Variants in ERBB4 observed in about 807,000 individuals in gnomAD.
The protein encoded by ERBB4 is erb-b2 receptor tyrosine kinase 4.
Under a neutral mutation model 158.0 loss-of-function variants are expected in ERBB4, and 42 were observed. That is an observed-to-expected ratio of 0.27 (90% CI 0.21 to 0.34). The LOEUF (loss-of-function observed/expected upper bound fraction) is 0.34. Among genes scored for constraint, ERBB4 ranks in the 10% least tolerant of loss-of-function variants. The pLI is 1.00. For missense variants in ERBB4, 1,333 were observed against 1,624.1 expected, an observed-to-expected ratio of 0.82 and a Z score of 3.08; for synonymous variants, 583 against 558.7, an observed-to-expected ratio of 1.04 and a Z score of -0.61.
At position 212,538,576 on chromosome 2, in the gene ERBB4, G is replaced by A. The variant is rs372943467; in HGVS notation, c.-46C>T. Reference sequence around the variant, plus strand: ...CGTGCTGACAATTACATGTCCAAATGGCATATCCCCCTTTCGGGCACGCGG... The same window carrying A: ...CGTGCTGACAATTACATGTCCAAATAGCATATCCCCCTTTCGGGCACGCGG... On this transcript the variant is annotated 5_prime_UTR_variant, in exon 1 of 28. Coordinates refer to ENST00000342788, the MANE Select transcript of ERBB4 (RefSeq NM_005235.3). The A allele has an allele frequency of 4.3e-5, 67 of 1,558,778 alleles. 1 individual carries two copies. The African/African-American group carries it at 6.8e-4, about 16-fold the overall frequency.
chr2:212,190,863 T>C (rs960852635), intron 1 of ERBB4, among the ~76,000 whole-genome samples: 2 of 152,144 alleles, frequency 1.3e-5, no homozygotes, highest in Admixed American at 1.3e-4. Flanking sequence ...CTAGTTCCCA[T>C]TCATTCTGAA....
At chr2:211,940,162 T>A (rs72933771) in intron 3 of ERBB4, among the ~76,000 whole-genome samples, 2,611 of 152,188 alleles carry the variant, frequency 0.017, 39 homozygotes, top group Non-Finnish European at 0.024. Flanking sequence ...AATTTTTCAA[T>A]ACTTTGCAGT....
intron 19 of ERBB4, among the ~76,000 whole-genome samples, chr2:211,600,773 G>T (rs2068775255): frequency 6.6e-6 from 1 of 151,608 alleles, no homozygotes; most frequent in African/African-American, 2.4e-5. Context: ...TTTCTTTTTG[G>T]TTTTTTTTGA....
chr2:211,469,223 G>A (rs2064772913), intron 20 of ERBB4, among the ~76,000 whole-genome samples: 1 of 152,164 alleles, frequency 6.6e-6, no homozygotes, highest in Non-Finnish European at 1.5e-5. Flanking sequence ...CGAAAAGACT[G>A]AAGTAGATTA....
In ERBB4 at chr2:212,522,446, G is replaced by A. The variant is rs529437115; in HGVS notation, c.82+16003C>T. Among the ~76,000 whole-genome samples, 160 of 151,982 alleles carry A rather than the reference G, an allele frequency of 1.1e-3. 2 individuals carry two copies. The highest frequency in any genetic ancestry group is 8.9e-3 in the Admixed American group (135 of 15,222). Reference sequence around the variant, plus strand: ...AATTATGAAAAGCGATAAGTAAAACGTTGAATAGCTTGAGTCGGAGATGCT... The same window carrying A: ...AATTATGAAAAGCGATAAGTAAAACATTGAATAGCTTGAGTCGGAGATGCT... On this transcript the variant is annotated intron_variant, in intron 1 of 27. Coordinates refer to ENST00000342788, the MANE Select transcript of ERBB4 (RefSeq NM_005235.3).
intron 1 of ERBB4, among the ~76,000 whole-genome samples, chr2:212,179,715 A>G (rs1486957171): frequency 3.3e-5 from 5 of 151,650 alleles, no homozygotes; most frequent in Non-Finnish European, 5.9e-5. Flanking sequence ...CCAAGTTGCT[A>G]TAAATCATAG....
chr2:211,482,732 C>G (rs1265875263), intron 20 of ERBB4, among the ~76,000 whole-genome samples: 1 of 152,018 alleles, frequency 6.6e-6, no homozygotes, highest in African/African-American at 2.4e-5. Flanking sequence ...ATGGAGAAAC[C>G]CTGTCTCTAC....
chr2:211,881,267 C>T (rs1278964676), intron 3 of ERBB4, among the ~76,000 whole-genome samples: 7 of 152,046 alleles, frequency 4.6e-5, no homozygotes, highest in African/African-American at 1.7e-4. Context: ...GTGATACAGG[C>T]GGTAGAAATA....
At chr2:211,776,174 T>C (rs2075870082) in intron 4 of ERBB4, among the ~76,000 whole-genome samples, 1 of 152,192 alleles carries the variant, frequency 6.6e-6, no homozygotes. Context: ...AGCCACTTTG[T>C]AGTACATTTG....
At chr2:211,384,645 C>T (rs1004799187) in intron 27 of ERBB4, among the ~76,000 whole-genome samples, 5 of 151,958 alleles carry the variant, frequency 3.3e-5, no homozygotes, top group African/African-American at 1.2e-4. Context: ...GAAAAAAATT[C>T]AACTAAAAAA....
At chr2:212,489,963 CAG>C (rs1393540207) in intron 1 of ERBB4, among the ~76,000 whole-genome samples, 1 of 151,694 alleles carries the variant, frequency 6.6e-6, no homozygotes, top group African/African-American at 2.4e-5. Flanking sequence ...ATTTTTCTTT[CAG>C]TGTGTTTCTA....
intron 16 of ERBB4, chr2:211,657,509 CAAA>C (rs777875937): frequency 8.9e-4 from 327 of 365,962 alleles, no homozygotes; most frequent in East Asian, 1.5e-3. Context: ...ACTCGGTCTC[CAAA>C]AAAAAAAAAA....
At chr2:211,872,083 A>C (rs2078360459) in intron 3 of ERBB4, among the ~76,000 whole-genome samples, 1 of 55,736 alleles carries the variant, frequency 1.8e-5, no homozygotes. Flanking sequence ...ATTATTCATG[A>C]ATGAATTATT....
chr2:212,389,696 A>G (rs1463735536), intron 1 of ERBB4, among the ~76,000 whole-genome samples: 2 of 152,060 alleles, frequency 1.3e-5, no homozygotes, highest in African/African-American at 4.8e-5. Flanking sequence ...TAATATTACT[A>G]AAATTATTTT....
At chr2:211,603,848 A>G (rs2068882855) in intron 19 of ERBB4, among the ~76,000 whole-genome samples, 1 of 152,224 alleles carries the variant, frequency 6.6e-6, no homozygotes, top group Admixed American at 6.5e-5. Context: ...CGAGGTCTCT[A>G]TAGATGCTTA....
chr2:212,065,638 T>C (rs1303489055), intron 2 of ERBB4, among the ~76,000 whole-genome samples: 1 of 152,038 alleles, frequency 6.6e-6, no homozygotes, highest in Non-Finnish European at 1.5e-5. Context: ...TGGCAAGATA[T>C]TAGAAACGGA....
intron 25 of ERBB4, among the ~76,000 whole-genome samples, chr2:211,400,901 A>G (rs929924711): frequency 6.6e-6 from 1 of 152,108 alleles, no homozygotes; most frequent in Non-Finnish European, 1.5e-5. Context: ...CCCAAAATAT[A>G]TACCTACTAT....
At chr2:211,897,078 A>G (rs939879823) in intron 3 of ERBB4, among the ~76,000 whole-genome samples, 3 of 150,160 alleles carry the variant, frequency 2.0e-5, no homozygotes, top group Admixed American at 6.7e-5. Flanking sequence ...TATAGAATAT[A>G]TTCTATATTA....
chr2:211,876,878 T>C (rs1168796974), intron 3 of ERBB4, among the ~76,000 whole-genome samples: 1 of 152,186 alleles, frequency 6.6e-6, no homozygotes, highest in Non-Finnish European at 1.5e-5. Flanking sequence ...AACCTAAATA[T>C]TAAACAGTAT....
Sources: gnomAD v4.1 joint callset for allele counts (sites outside exome capture counted in the v4.1 genomes callset) on GRCh38, gnomAD v4.1.1 for gene constraint, MANE v1.5 for transcripts, NCBI Gene and HGNC (gene_info 2026-07-23, HGNC 2026-07-21) for gene names.